TASP1: variants seen among roughly 807,000 people sequenced by gnomAD.
The protein encoded by TASP1 is threonine aspartase 1.
Under a neutral mutation model 56.6 loss-of-function variants are expected in TASP1, and 16 were observed. The observed-to-expected ratio is 0.28, with a 90% confidence interval of 0.19 to 0.43. TASP1 has a LOEUF of 0.43. TASP1 is among the 20% of genes least tolerant of loss of function. TASP1 has a pLI of 1.00. For missense variants in TASP1, 393 were observed against 511.6 expected (o/e 0.77, Z 2.24); for synonymous variants, 179 against 184.2 (o/e 0.97, Z 0.23).
intron 3 of TASP1, among the ~76,000 whole-genome samples, chr20:13,624,795 A>G (rs1781530366): frequency 6.6e-6 from 1 of 152,208 alleles, no homozygotes; most frequent in African/African-American, 2.4e-5. Context: ...GAAAAACAGA[A>G]TGAAAAAGTA....
chr20:13,299,083 G>C, the TASP1 span: 1 of 1,613,604 alleles, frequency 6.2e-7, no homozygotes, highest in Non-Finnish European at 8.5e-7. The surrounding 1 kb of genome is among the most constrained non-coding windows in gnomAD (Gnocchi z 5.8). Context: ...ATCTTCGACC[G>C]CATCAAGCGC....
the TASP1 span, among the ~76,000 whole-genome samples, chr20:13,143,532 CT>C: frequency 6.6e-6 from 1 of 152,178 alleles, no homozygotes; most frequent in Non-Finnish European, 1.5e-5. Context: ...GTAGAGTTTA[CT>C]TTGAACCCAG....
At chr20:13,535,095 C>T (rs2045364669) in intron 8 of TASP1, among the ~76,000 whole-genome samples, 1 of 152,108 alleles carries the variant, frequency 6.6e-6, no homozygotes, top group African/African-American at 2.4e-5. Flanking sequence ...AAGAGCCAGG[C>T]CCAACGCCGG....
the TASP1 span, among the ~76,000 whole-genome samples, chr20:13,370,241 G>GA: frequency 6.6e-6 from 1 of 151,610 alleles, no homozygotes; most frequent in African/African-American, 2.4e-5. Context: ...AAGATACAAA[G>GA]AAAAAACACA....
chr20:13,587,552 A>C (rs1294581888), intron 4 of TASP1, among the ~76,000 whole-genome samples, 182 bp from the exon 5 acceptor site: 1 of 151,562 alleles, frequency 6.6e-6, no homozygotes, highest in East Asian at 2.0e-4. Context: ...ACAGATCAAT[A>C]TACTTTGTAA....
chr20:13,404,215 T>C (rs1411714476), intron 13 of TASP1, among the ~76,000 whole-genome samples: 2 of 152,250 alleles, frequency 1.3e-5, no homozygotes, highest in African/African-American at 4.8e-5. Context: ...CTTTGTTCAC[T>C]CAACATAACT....
the TASP1 span, among the ~76,000 whole-genome samples, chr20:13,140,527 C>T: frequency 3.3e-5 from 5 of 152,056 alleles, no homozygotes; most frequent in African/African-American, 7.2e-5. Context: ...AATATGATTC[C>T]GATTAACATC....
At chr20:13,271,171 A>G in the TASP1 span, among the ~76,000 whole-genome samples, 1 of 152,248 alleles carries the variant, frequency 6.6e-6, no homozygotes, top group South Asian at 2.1e-4. Context: ...ATGAGTTCAA[A>G]GCACTCAGGA....
intron 4 of TASP1, among the ~76,000 whole-genome samples, chr20:13,608,649 T>C (rs948972668): frequency 2.6e-5 from 4 of 152,286 alleles, no homozygotes; most frequent in African/African-American, 7.2e-5. Context: ...TCATGAAATA[T>C]TATTCTTCTT....
At chr20:13,214,968 A>C in the TASP1 span, among the ~76,000 whole-genome samples, 1 of 152,354 alleles carries the variant, frequency 6.6e-6, no homozygotes, top group South Asian at 2.1e-4. Flanking sequence ...ATGGTGAGAG[A>C]AGTCAGAATA....
the TASP1 span, among the ~76,000 whole-genome samples, chr20:13,362,330 AAGG>A: frequency 9.5e-4 from 144 of 152,076 alleles, 1 homozygote; most frequent in Admixed American, 4.0e-3. Flanking sequence ...AGAATCACAA[AAGG>A]AGTGAATATG....
At chr20:13,537,906 T>A (rs1466239832) in intron 8 of TASP1, among the ~76,000 whole-genome samples, 1 of 151,928 alleles carries the variant, frequency 6.6e-6, no homozygotes, top group African/African-American at 2.4e-5. Flanking sequence ...TTAAAATGAA[T>A]AAATCCCTTC....
At chr20:13,558,063 C>T (rs941145251) in intron 8 of TASP1, among the ~76,000 whole-genome samples, 1 of 152,042 alleles carries the variant, frequency 6.6e-6, no homozygotes, top group Non-Finnish European at 1.5e-5. Context: ...CTGATTATCT[C>T]GTGGCAACAC....
the TASP1 span, among the ~76,000 whole-genome samples, chr20:13,369,134 T>C: frequency 2.0e-5 from 3 of 151,972 alleles, no homozygotes; most frequent in Non-Finnish European, 4.4e-5. Context: ...AATGGAAAAA[T>C]TGAGAGATGA....
At chr20:13,224,075 G>A in the TASP1 span, among the ~76,000 whole-genome samples, 2 of 152,168 alleles carry the variant, frequency 1.3e-5, no homozygotes, top group African/African-American at 4.8e-5. Context: ...ACAAATGGGG[G>A]ATTTAGAAAG....
the TASP1 span, among the ~76,000 whole-genome samples, chr20:13,360,191 A>G: frequency 4.6e-5 from 7 of 150,606 alleles, no homozygotes; most frequent in East Asian, 2.0e-4. Flanking sequence ...ATTCTGTTCT[A>G]GATCTCAAAC....
At chr20:13,206,696 G>A in the TASP1 span, among the ~76,000 whole-genome samples, 2 of 152,044 alleles carry the variant, frequency 1.3e-5, no homozygotes, top group African/African-American at 4.8e-5. Flanking sequence ...TAGACAAGGG[G>A]AGAGAGAAAG....
At chr20:13,271,280 CA>C in the TASP1 span, among the ~76,000 whole-genome samples, 2 of 152,002 alleles carry the variant, frequency 1.3e-5, no homozygotes, top group Non-Finnish European at 2.9e-5. Context: ...ACATGACTTA[CA>C]AAACAATAAG....
chr20:13,589,926 T>C (rs571806571), intron 4 of TASP1, among the ~76,000 whole-genome samples: 2 of 152,094 alleles, frequency 1.3e-5, no homozygotes, highest in Admixed American at 6.6e-5. Context: ...TAGATAAAAA[T>C]CAATTCTAAA....
Sources: allele counts gnomAD v4.1 joint callset (sites outside exome capture counted in the v4.1 genomes callset), GRCh38; gene constraint gnomAD v4.1.1; non-coding constraint Gnocchi (gnomAD v3.1); transcripts MANE v1.5; gene names NCBI Gene and HGNC (gene_info 2026-07-23, HGNC 2026-07-21).